The following ISM1 variants were observed in gnomAD, a reference collection of about 807,000 sequenced individuals.
ISM1 encodes the protein isthmin 1, also known as isthmin-1.
A neutral mutation model predicts 46.3 loss-of-function variants in ISM1; 25 were observed. The ratio of observed to expected loss-of-function variants is 0.54; its 90% confidence interval spans 0.39 to 0.75. ISM1 has a LOEUF of 0.75. ISM1 is among the 30% of genes least tolerant of loss of function. ISM1 has a pLI of 0.00. For synonymous variants in ISM1, 255 were observed against 256.7 expected, an observed-to-expected ratio of 0.99 and a Z score of 0.06; for missense variants, 536 against 625.4, an observed-to-expected ratio of 0.86 and a Z score of 1.52.
At chr20:13,310,865 T>C in the ISM1 span, among the ~76,000 whole-genome samples, 1 of 152,180 alleles carries the variant, frequency 6.6e-6, no homozygotes, top group Non-Finnish European at 1.5e-5. Context: ...TACAATAGGA[T>C]ATTACTTCAT....
chr20:13,321,275 A>AAAAAAAAAAAAAAAAAAAAAAAC, the ISM1 span, among the ~76,000 whole-genome samples: 1 of 150,522 alleles, frequency 6.6e-6, no homozygotes, highest in Non-Finnish European at 1.5e-5. Context: ...AAAAAAAAAA[A>AAAAAAAAAAAAAAAAAAAAAAAC]AGATTTTATG....
intron 1 of ISM1, among the ~76,000 whole-genome samples, chr20:13,231,298 A>G (rs1221712450): frequency 4.6e-5 from 7 of 152,244 alleles, no homozygotes; most frequent in African/African-American, 1.7e-4. Context: ...GCAGGCAGCA[A>G]AAGAACCAGG....
At position 13,288,577 on chromosome 20, in the gene ISM1, T is replaced by C; in HGVS notation, c.681T>C (p.Ser227=). ...TDGEGDWSLW[S]VCSVTCGNGN... is the part of the protein sequence containing the mutation. ...GCGAGGGTGACTGGAGTCTCTGGTC[T>C]GTCTGCAGCGTCACCTGCGGGAACG... Residue 227 remains serine (S), a synonymous_variant, in exon 4 of 6, where the codon TCT becomes TCC. Coordinates refer to ENST00000262487, the MANE Select transcript of ISM1 (RefSeq NM_080826.2). 1 of 1,613,986 alleles carries C rather than the reference T, an allele frequency of 6.2e-7. No individual in the cohort carries two copies. The highest frequency in any genetic ancestry group is 2.2e-5 in the East Asian group (1 of 44,874).
chr20:13,260,466 G>A (rs948824970), intron 1 of ISM1, among the ~76,000 whole-genome samples: 2 of 152,232 alleles, frequency 1.3e-5, no homozygotes, highest in Non-Finnish European at 2.9e-5. Flanking sequence ...CTAACAGGTA[G>A]AAGGATAGAG....
chr20:13,324,353 T>C, the ISM1 span, among the ~76,000 whole-genome samples: 1 of 152,264 alleles, frequency 6.6e-6, no homozygotes, highest in East Asian at 1.9e-4. Flanking sequence ...TATAACTAAA[T>C]GTGAGGTGTG....
chr20:13,323,539 C>T, the ISM1 span, among the ~76,000 whole-genome samples: 1 of 152,300 alleles, frequency 6.6e-6, no homozygotes, highest in East Asian at 1.9e-4. Flanking sequence ...CAGTATGATA[C>T]TATTCATATG....
the ISM1 span, among the ~76,000 whole-genome samples, chr20:13,321,892 T>G: frequency 6.6e-6 from 1 of 152,212 alleles, no homozygotes; most frequent in African/African-American, 2.4e-5. Context: ...ATTGGCTGCA[T>G]GCTAGCTATG....
At chr20:13,222,475 C>T (rs1052589111) in intron 1 of ISM1, among the ~76,000 whole-genome samples, 7 of 152,190 alleles carry the variant, frequency 4.6e-5, no homozygotes, top group Admixed American at 1.3e-4. Flanking sequence ...CCTCTTCCTC[C>T]GGGAGCCTCG....
intron 1 of ISM1, among the ~76,000 whole-genome samples, chr20:13,265,631 T>C (rs1367921284): frequency 6.6e-6 from 1 of 152,226 alleles, no homozygotes; most frequent in Non-Finnish European, 1.5e-5. Flanking sequence ...GTCCAAGGAA[T>C]GCTGGTTCCT....
At chr20:13,321,367 C>T in the ISM1 span, among the ~76,000 whole-genome samples, 1 of 150,604 alleles carries the variant, frequency 6.6e-6, no homozygotes, top group South Asian at 2.1e-4. Context: ...TGACAATTGT[C>T]AAAATTCTTA....
At chr20:13,287,635 T>C (rs1185731901) in intron 3 of ISM1, among the ~76,000 whole-genome samples, 1 of 152,206 alleles carries the variant, frequency 6.6e-6, no homozygotes, top group Non-Finnish European at 1.5e-5. Context: ...CACTAAAATA[T>C]TAGTTCCTCC....
chr20:13,248,970 C>T (rs1443344202), intron 1 of ISM1, among the ~76,000 whole-genome samples: 1 of 152,132 alleles, frequency 6.6e-6, no homozygotes, highest in Non-Finnish European at 1.5e-5. Context: ...GCGGCTTGTA[C>T]AGGAGAAAAA....
chr20:13,299,504 A>G lies in ISM1; in HGVS notation c.*45A>G. ...AGGACGCTGCCTCTGGTTCTGGAGC[A>G]CACACGTGCTGCACTGACGTGCCGA... On this transcript the variant is annotated 3_prime_UTR_variant, in exon 6 of 6. Coordinates refer to ENST00000262487, the MANE Select transcript of ISM1 (RefSeq NM_080826.2). The surrounding 1 kb of genome is among the most constrained non-coding windows in gnomAD (Gnocchi z 5.8). 6.5e-7 allele frequency: 1 copy of G among 1,549,782 alleles called. No individual in the cohort carries two copies. Among genetic ancestry groups the G allele is most frequent in the Non-Finnish European group, 8.7e-7 (1 of 1,146,744 alleles).
the ISM1 span, among the ~76,000 whole-genome samples, chr20:13,315,368 A>G: frequency 6.6e-6 from 1 of 152,014 alleles, no homozygotes; most frequent in Admixed American, 6.6e-5. Context: ...GCTTGCACCA[A>G]TCAAAGGAAA....
At chr20:13,273,622 C>T (rs538690684) in intron 2 of ISM1, among the ~76,000 whole-genome samples, 48 of 152,238 alleles carry the variant, frequency 3.2e-4, no homozygotes, top group African/African-American at 1.2e-3. Flanking sequence ...GCTGGGAACC[C>T]CAGTTACCCT....
chr20:13,234,167 C>T (rs561255837), intron 1 of ISM1, among the ~76,000 whole-genome samples: 21 of 152,244 alleles, frequency 1.4e-4, no homozygotes, highest in African/African-American at 4.6e-4. Flanking sequence ...CTTTGTATGT[C>T]CGTGTATGCC....
Position 13,299,544 on chromosome 20 carries a change from T to G in ISM1, c.*85T>G. On this transcript the variant is annotated 3_prime_UTR_variant, in exon 6 of 6. Transcript: ENST00000262487. This position sits in a 1 kb window ranked among gnomAD's most constrained non-coding sequence, Gnocchi z 5.8. Reference sequence around the variant, plus strand: ...TGACGTGCCGACTGGCGCCGAGACCTTCATAGCTGCGGTCGTGTATATTTG... The same window carrying G: ...TGACGTGCCGACTGGCGCCGAGACCGTCATAGCTGCGGTCGTGTATATTTG... The G allele has an allele frequency of 8.0e-7, 1 of 1,242,490 alleles. No homozygotes were observed. The highest frequency in any genetic ancestry group is 1.4e-5 in the South Asian group (1 of 71,928). The allele number at this position is 1,242,490 out of a possible 1,614,324, so 77.0% of individuals were successfully genotyped here.
the ISM1 span, among the ~76,000 whole-genome samples, chr20:13,319,312 A>C: frequency 4.6e-5 from 7 of 152,282 alleles, no homozygotes; most frequent in South Asian, 1.5e-3. Flanking sequence ...TGAACTAGAC[A>C]CTTATCTGGT....
At chr20:13,271,574 A>C (rs1030893506) in intron 2 of ISM1, among the ~76,000 whole-genome samples, 9 of 152,210 alleles carry the variant, frequency 5.9e-5, no homozygotes, top group African/African-American at 1.7e-4. Context: ...TGGTTTACCC[A>C]AAGTCACATG....
Sources: gnomAD v4.1 joint callset for allele counts (sites outside exome capture counted in the v4.1 genomes callset) on GRCh38, gnomAD v4.1.1 for gene constraint, Gnocchi (gnomAD v3.1) non-coding constraint, MANE v1.5 for transcripts, NCBI Gene and HGNC (gene_info 2026-07-23, HGNC 2026-07-21) for gene names.